NRXN1: variants seen among roughly 807,000 people sequenced by gnomAD.
NRXN1 encodes the protein neurexin-1.
A neutral mutation model predicts 150.9 loss-of-function variants in NRXN1; 39 were observed. The observed-to-expected ratio is 0.26, with a 90% CI of 0.20 to 0.34. The LOEUF (loss-of-function observed/expected upper bound fraction) is 0.34. NRXN1 is among the 10% of genes least tolerant of loss of function. NRXN1 has a pLI of 1.00. For missense variants in NRXN1, 1,815 were observed against 1,949.9 expected (o/e 0.93, Z 1.30); for synonymous variants, 924 against 757.0 (o/e 1.22, Z -3.62).
intron 5 of NRXN1, among the ~76,000 whole-genome samples, chr2:50,916,388 G>A (rs1685215873): frequency 6.6e-6 from 1 of 151,278 alleles, no homozygotes; most frequent in Non-Finnish European, 1.5e-5. Context: ...AAGAGCTAAA[G>A]ACTATAGAAA....
intron 2 of NRXN1, among the ~76,000 whole-genome samples, chr2:51,015,455 G>A (rs936280384): frequency 6.6e-6 from 1 of 151,922 alleles, no homozygotes; most frequent in African/African-American, 2.4e-5. Flanking sequence ...ATAATGTCTT[G>A]GGTCGAGGAG....
intron 18 of NRXN1, among the ~76,000 whole-genome samples, chr2:50,182,990 A>C (rs2152813291): frequency 6.6e-6 from 1 of 152,182 alleles, no homozygotes. Flanking sequence ...TATCATTCTA[A>C]CAATGTATAC....
chr2:50,317,755 T>G (rs2152970521), intron 17 of NRXN1, among the ~76,000 whole-genome samples: 1 of 152,124 alleles, frequency 6.6e-6, no homozygotes, highest in East Asian at 1.9e-4. Context: ...GTGTTTAATT[T>G]ATAGAGTTCA....
chr2:50,875,039 G>C (rs1050659375), intron 5 of NRXN1, among the ~76,000 whole-genome samples: 9 of 151,726 alleles, frequency 5.9e-5, no homozygotes, highest in Non-Finnish European at 1.2e-4. Flanking sequence ...TTTTATACTA[G>C]AGCATTCTGC....
At chr2:50,762,426 G>A (rs1701903949) in intron 5 of NRXN1, among the ~76,000 whole-genome samples, 1 of 151,734 alleles carries the variant, frequency 6.6e-6, no homozygotes, top group African/African-American at 2.4e-5. Flanking sequence ...GGGTATGATT[G>A]ATCCTGTCAC....
At chr2:50,619,218 C>G (rs924104466) in intron 8 of NRXN1, 1 of 152,126 alleles carries the variant, frequency 6.6e-6, no homozygotes, top group African/African-American at 2.4e-5. Context: ...GAAATCTACA[C>G]CATTAAATTG....
intron 2 of NRXN1, among the ~76,000 whole-genome samples, chr2:50,987,588 T>A (rs372582213): frequency 6.6e-6 from 1 of 151,988 alleles, no homozygotes; most frequent in South Asian, 2.1e-4. Context: ...GAAAAAGGCC[T>A]CAAATCAGCG....
At chr2:50,427,426 A>G (rs1009810941) in intron 17 of NRXN1, among the ~76,000 whole-genome samples, 1 of 151,038 alleles carries the variant, frequency 6.6e-6, no homozygotes, top group Non-Finnish European at 1.5e-5. Context: ...CTTTGCTGCC[A>G]TATCTGGAAA....
intron 5 of NRXN1, among the ~76,000 whole-genome samples, chr2:50,841,955 A>C (rs1229067505): frequency 6.6e-6 from 1 of 152,172 alleles, no homozygotes; most frequent in Admixed American, 6.5e-5. Context: ...GACACACCTA[A>C]GTTTCATTAA....
At chr2:50,355,098 G>A (rs1256696072) in intron 17 of NRXN1, among the ~76,000 whole-genome samples, 1 of 151,864 alleles carries the variant, frequency 6.6e-6, no homozygotes, top group Non-Finnish European at 1.5e-5. Context: ...AAAACAATTT[G>A]ATTTATCTTT....
At chr2:50,961,655 CA>C (rs2104696000) in intron 2 of NRXN1, among the ~76,000 whole-genome samples, 1 of 151,810 alleles carries the variant, frequency 6.6e-6, no homozygotes, top group South Asian at 2.1e-4. Context: ...GGAGAAAAAT[CA>C]TTGTAATATC....
chr2:50,303,621 T>A (rs1248262366), intron 17 of NRXN1, among the ~76,000 whole-genome samples: 1 of 152,130 alleles, frequency 6.6e-6, no homozygotes, highest in African/African-American at 2.4e-5. Context: ...AAACCTTTCA[T>A]GTGTATTTGC....
intron 17 of NRXN1, among the ~76,000 whole-genome samples, chr2:50,387,438 C>A (rs1572783239): frequency 6.6e-6 from 1 of 152,016 alleles, no homozygotes; most frequent in Non-Finnish European, 1.5e-5. Flanking sequence ...GCCCTCAGGC[C>A]CCAACTACTT....
Position 50,135,182 on chromosome 2 carries a change from A to G in NRXN1, c.3547-43688T>C, listed in dbSNP as rs1706197656. 3.3e-5 allele frequency among the ~76,000 whole-genome samples: 5 copies of G among 152,200 alleles called. No individual in the cohort carries two copies. In the South Asian group the frequency reaches 1.0e-3, roughly 31 times the overall value. On this transcript the variant is annotated intron_variant, in intron 18 of 22. Coordinates refer to ENST00000401669, the MANE Select transcript of NRXN1 (RefSeq NM_001330078.2). ...TGATAATAAGCAGATTTATTGACTC[A>G]TGTTTTGAATACATATTTATTGAGG...
chr2:50,422,099 A>G (rs1361990297), intron 17 of NRXN1, among the ~76,000 whole-genome samples: 2 of 152,194 alleles, frequency 1.3e-5, no homozygotes, highest in East Asian at 3.9e-4. Context: ...AAGGAACGAT[A>G]ACAAGAAATA....
At chr2:50,311,960 T>C (rs1290023270) in intron 17 of NRXN1, among the ~76,000 whole-genome samples, 2 of 152,148 alleles carry the variant, frequency 1.3e-5, no homozygotes, top group East Asian at 3.9e-4. Context: ...TGAAAAGCTA[T>C]GGTAGACACT....
intron 17 of NRXN1, among the ~76,000 whole-genome samples, chr2:50,255,016 T>C (rs1574770915): frequency 6.6e-6 from 1 of 152,120 alleles, no homozygotes; most frequent in South Asian, 2.1e-4. Context: ...CCATGTTACC[T>C]AGGCTAGTCT....
intron 15 of NRXN1, among the ~76,000 whole-genome samples, chr2:50,486,316 A>G (rs2090870138): frequency 6.6e-6 from 1 of 152,194 alleles, no homozygotes; most frequent in Non-Finnish European, 1.5e-5. Context: ...TGAACAGAGA[A>G]TACAGACAGA....
intron 18 of NRXN1, among the ~76,000 whole-genome samples, chr2:50,124,175 G>A (rs2152740138): frequency 6.6e-6 from 1 of 152,230 alleles, no homozygotes. Flanking sequence ...TTTTGCTGAG[G>A]AGGGAATGAT....
Sources: gnomAD v4.1 joint callset for allele counts (sites outside exome capture counted in the v4.1 genomes callset) on GRCh38, gnomAD v4.1.1 for gene constraint, MANE v1.5 for transcripts, NCBI Gene and HGNC (gene_info 2026-07-23, HGNC 2026-07-21) for gene names.